MTMR2: variants seen among roughly 807,000 people sequenced by gnomAD.
MTMR2 encodes phosphatidylinositol-3,5-bisphosphate 3-phosphatase MTMR2.
Under a neutral mutation model 86.9 loss-of-function variants are expected in MTMR2, and 55 were observed. The ratio of observed to expected loss-of-function variants is 0.63; its 90% confidence interval spans 0.51 to 0.79. The LOEUF (loss-of-function observed/expected upper bound fraction) is 0.79. MTMR2 is among the 30% of genes least tolerant of loss of function. The pLI, the probability that MTMR2 is intolerant of heterozygous loss-of-function variation, is 0.00. For synonymous variants in MTMR2, 241 were observed against 266.8 expected, an observed-to-expected ratio of 0.90 and a Z score of 0.94; for missense variants, 659 against 772.3, an observed-to-expected ratio of 0.85 and a Z score of 1.74.
chr11:95,844,436 C>T (rs1432168110), intron 11 of MTMR2, among the ~76,000 whole-genome samples: 2 of 152,142 alleles, frequency 1.3e-5, no homozygotes, highest in African/African-American at 4.8e-5. Context: ...GGATGCGGAA[C>T]CCACATACAC....
Position 95,834,097 on chromosome 11 carries a change from A to C in MTMR2, c.*1193T>G, listed in dbSNP as rs1863145837. 6.6e-6 allele frequency: 1 copy of C among 152,534 alleles called. No individual in the cohort carries two copies. The allele number at this position is 152,534 out of a possible 1,614,324, so 9.4% of individuals were successfully genotyped here. A position where few individuals can be genotyped will look rare whatever the true frequency, so the allele number is the denominator to read the frequency against. On this transcript the variant is annotated 3_prime_UTR_variant, in exon 15 of 15. Coordinates refer to ENST00000346299, the MANE Select transcript of MTMR2 (RefSeq NM_016156.6). Reference sequence around the variant, plus strand: ...AACTTTGGACAAGAACAAAGTTTAAAAGTCAGTTGGAATTTCTTTTAATTA... The same window carrying C: ...AACTTTGGACAAGAACAAAGTTTAACAGTCAGTTGGAATTTCTTTTAATTA...
intron 2 of MTMR2, among the ~76,000 whole-genome samples, chr11:95,870,104 AACT>A (rs1170763844): frequency 4.6e-5 from 7 of 152,210 alleles, no homozygotes; most frequent in Non-Finnish European, 1.0e-4. Context: ...TTAGTTGGAA[AACT>A]ACTAATGTCT....
intron 10 of MTMR2, among the ~76,000 whole-genome samples, chr11:95,846,100 T>C (rs1465370672): frequency 2.0e-5 from 3 of 152,012 alleles, no homozygotes; most frequent in African/African-American, 7.2e-5. Flanking sequence ...ATATCAAGAG[T>C]CATTTGTAAG....
chr11:95,854,716 T>G (rs1864146555), intron 7 of MTMR2, among the ~76,000 whole-genome samples: 1 of 152,162 alleles, frequency 6.6e-6, no homozygotes, highest in South Asian at 2.1e-4. Flanking sequence ...TCCTCCCACC[T>G]TGGCTTCTCA....
intron 1 of MTMR2, among the ~76,000 whole-genome samples, chr11:95,920,671 C>A (rs190550760): frequency 5.9e-4 from 88 of 150,364 alleles, no homozygotes; most frequent in African/African-American, 2.0e-3. Context: ...TAAGACTCAT[C>A]ACATGTTTAT....
chr11:95,858,556 T>C lies in MTMR2; in HGVS notation c.545A>G (p.Tyr182Cys). 6.2e-7 allele frequency: 1 copy of C among 1,611,820 alleles called. No homozygotes were observed. Among genetic ancestry groups the C allele is most frequent in the Non-Finnish European group, 8.5e-7 (1 of 1,178,088 alleles). The change falls in exon 6 of 15, where the codon TAT (tyrosine) becomes TGT (cysteine). Residue 182 changes from tyrosine to cysteine, a missense_variant. Physicochemically the swap from Tyr to Cys is radical, Grantham distance 194. Around this residue, in one of 3 missense-constraint regions of MTMR2, gnomAD observed 387 missense variants for 526.3 expected, o/e 0.74. Transcript: ENST00000346299. ...CAGGTTATTAGAGACAGGAAATGCA[T>C]ATTTCATTAGATTCTCAAATATGGA... ...RRSIFENLMKYAFPVSNNLPL... is the reference protein window; with the variant it reads ...RRSIFENLMKCAFPVSNNLPL...
chr11:95,848,582 A>G (rs1863892471), intron 9 of MTMR2, among the ~76,000 whole-genome samples: 1 of 152,296 alleles, frequency 6.6e-6, no homozygotes, highest in Non-Finnish European at 1.5e-5. Flanking sequence ...ATCTTTTTAT[A>G]TTTCATGAAT....
At chr11:95,842,886 C>T (rs540660093) in intron 11 of MTMR2, among the ~76,000 whole-genome samples, 4 of 152,192 alleles carry the variant, frequency 2.6e-5, no homozygotes, top group South Asian at 2.1e-4. Context: ...TACTTAACAA[C>T]GCAGTAAAAA....
chr11:95,841,514 AT>A (rs1863544137), intron 12 of MTMR2, 102 bp downstream of exon 12: 1 of 845,664 alleles, frequency 1.2e-6, no homozygotes. Flanking sequence ...TGTTACAAGA[AT>A]TTCCATTTAA....
intron 1 of MTMR2, among the ~76,000 whole-genome samples, chr11:95,913,606 AATTG>A (rs1296603732): frequency 1.3e-5 from 2 of 152,156 alleles, no homozygotes; most frequent in Admixed American, 6.6e-5. Context: ...GAAAAACACT[AATTG>A]GTTGATCTCT....
intron 13 of MTMR2, 108 bp from the exon 14 acceptor site, chr11:95,836,432 A>C (rs1863290732): frequency 1.8e-6 from 2 of 1,103,184 alleles, no homozygotes; most frequent in Non-Finnish European, 2.7e-6. Flanking sequence ...CTTTAGAGGA[A>C]GTGGACTTGG....
At chr11:95,907,575 G>C (rs1866330391) in intron 1 of MTMR2, among the ~76,000 whole-genome samples, 1 of 152,072 alleles carries the variant, frequency 6.6e-6, no homozygotes, top group Admixed American at 6.6e-5. Context: ...GAAAACTTCA[G>C]ACAAATATTC....
At chr11:95,902,236 C>T (rs775079155) in intron 1 of MTMR2, among the ~76,000 whole-genome samples, 1 of 152,150 alleles carries the variant, frequency 6.6e-6, no homozygotes. Context: ...GCTCCTTGTG[C>T]TCCAGACAGG....
chr11:95,844,064 G>C (rs1230502843), intron 11 of MTMR2, among the ~76,000 whole-genome samples: 3 of 152,040 alleles, frequency 2.0e-5, no homozygotes, highest in Non-Finnish European at 4.4e-5. Context: ...TAAAAAGAAC[G>C]GGGGGAGTAG....
chr11:95,856,583 C>T (rs1864225457), intron 7 of MTMR2, among the ~76,000 whole-genome samples: 1 of 151,070 alleles, frequency 6.6e-6, no homozygotes, highest in Non-Finnish European at 1.5e-5. Context: ...AAGTCAAAGA[C>T]CATAAAGCAT....
intron 2 of MTMR2, among the ~76,000 whole-genome samples, chr11:95,868,273 T>TAAAA (rs555618890): frequency 8.1e-4 from 34 of 42,220 alleles, no homozygotes; most frequent in Admixed American, 1.8e-3. Context: ...GACCCTGTGC[T>TAAAA]AAAAAAAAAA....
At chr11:95,835,949 GTCATACA>G (rs1361081088) in intron 14 of MTMR2, among the ~76,000 whole-genome samples, 192 bp downstream of exon 14, 1 of 151,998 alleles carries the variant, frequency 6.6e-6, no homozygotes, top group Non-Finnish European at 1.5e-5. Context: ...TTTGTCCAAT[GTCATACA>G]AGCAGTCCTA....
intron 1 of MTMR2, among the ~76,000 whole-genome samples, chr11:95,901,121 T>A (rs535686902): frequency 2.0e-5 from 3 of 152,320 alleles, no homozygotes; most frequent in African/African-American, 7.2e-5. Flanking sequence ...GCCTCTGTTC[T>A]CTCTTCTTAA....
At chr11:95,835,535 G>GT in intron 14 of MTMR2, 84 bp from the exon 15 acceptor site, 2 of 1,431,526 alleles carry the variant, frequency 1.4e-6, no homozygotes, top group Non-Finnish European at 2.0e-6. Flanking sequence ...TGCAGTGTAT[G>GT]TTTTTTCAGC....
Sources: gnomAD v4.1 joint callset for allele counts (sites outside exome capture counted in the v4.1 genomes callset) on GRCh38, gnomAD v4.1.1 for gene constraint, gnomAD v4.1.1 regional missense constraint, MANE v1.5 for transcripts, NCBI Gene and HGNC (gene_info 2026-07-23, HGNC 2026-07-21) for gene names.